Variants in ARMC3 observed in about 807,000 individuals in gnomAD.
The protein encoded by ARMC3 is armadillo repeat-containing protein 3.
Under a neutral mutation model 90.3 loss-of-function variants are expected in ARMC3, and 74 were observed. The ratio of observed to expected loss-of-function variants is 0.82; its 90% CI spans 0.68 to 0.99. The LOEUF (loss-of-function observed/expected upper bound fraction) is 0.99, where lower values mean the gene tolerates loss of function less well. ARMC3 is among the 50% of genes least tolerant of loss of function. ARMC3 has a pLI of 0.00. For synonymous variants in ARMC3, 334 were observed against 361.8 expected, an observed-to-expected ratio of 0.92 and a Z score of 0.87; for missense variants, 958 against 1,042.8, an observed-to-expected ratio of 0.92 and a Z score of 1.12.
At chr10:22,966,735 G>T (rs1278659464) in intron 7 of ARMC3, among the ~76,000 whole-genome samples, 1 of 152,124 alleles carries the variant, frequency 6.6e-6, no homozygotes, top group Non-Finnish European at 1.5e-5. Flanking sequence ...AGCAGAAGGG[G>T]AAACAGGTTC....
chr10:23,026,814 G>A (rs781614396), intron 16 of ARMC3, among the ~76,000 whole-genome samples: 2 of 152,134 alleles, frequency 1.3e-5, no homozygotes, highest in African/African-American at 4.8e-5. Context: ...ATAATGAATA[G>A]TTTCATCACC....
At position 23,037,529 on chromosome 10, in the gene ARMC3, ACTCT is replaced by A. The variant is rs752537516; in HGVS notation, c.*53_*56del. On this transcript the variant is annotated 3_prime_UTR_variant, in exon 19 of 19. Coordinates refer to ENST00000298032, the MANE Select transcript of ARMC3 (RefSeq NM_173081.5). ...CTCAAACAAGAAATTCACTGTGTAC[ACTCT>A]CTAAGACATTCTCCAAATTGATTTT... 251 of 1,354,758 alleles carry A rather than the reference ACTCT, an allele frequency of 1.9e-4. 1 individual carries two copies. The highest frequency in any genetic ancestry group is 2.3e-4 in the Non-Finnish European group (235 of 1,005,042). 83.9% of individuals were successfully genotyped at this position (1,354,758 alleles called of 1,614,324 possible). A position where few individuals can be genotyped will look rare whatever the true frequency, so the allele number is the denominator to read the frequency against.
intron 8 of ARMC3, among the ~76,000 whole-genome samples, chr10:22,975,339 G>A (rs1835873477): frequency 6.6e-6 from 1 of 152,168 alleles, no homozygotes; most frequent in African/African-American, 2.4e-5. Flanking sequence ...TGGATCACCT[G>A]AGGTCAGGAG....
intron 10 of ARMC3, among the ~76,000 whole-genome samples, chr10:22,993,325 T>G (rs1258580638): frequency 6.6e-6 from 1 of 152,184 alleles, no homozygotes; most frequent in Non-Finnish European, 1.5e-5. Context: ...AAGAATATAT[T>G]CCCAAGAAGT....
chr10:23,015,196 C>G (rs181064459), intron 16 of ARMC3, among the ~76,000 whole-genome samples: 26 of 152,198 alleles, frequency 1.7e-4, no homozygotes, highest in African/African-American at 6.3e-4. Flanking sequence ...AATCTCATTA[C>G]CATGCAGCAT....
rs567115894 is a variant in ARMC3, at chr10:23,002,602, T to C, written c.1562+547T>C. Reference sequence around the variant, plus strand: ...TCTTTCTTTTTCTTTCTTTTCTTTTTTTCTTTCTTTTTTTTTTTGGCAGAG... The same window carrying C: ...TCTTTCTTTTTCTTTCTTTTCTTTTCTTCTTTCTTTTTTTTTTTGGCAGAG... On this transcript the variant is annotated intron_variant, in intron 12 of 18. Transcript: ENST00000298032. Among the ~76,000 whole-genome samples the C allele has an allele frequency of 1.3e-5, 2 of 150,760 alleles. 1 individual carries two copies. The highest frequency in any genetic ancestry group is 4.2e-4 in the South Asian group (2 of 4,770).
intron 11 of ARMC3, 22 bp downstream of exon 11, chr10:22,998,419 G>A (rs780653503): frequency 6.2e-7 from 1 of 1,611,986 alleles, no homozygotes; most frequent in Non-Finnish European, 8.5e-7. Flanking sequence ...AATAACATGT[G>A]TTCTCTCATT....
At chr10:23,011,839 A>G (rs1838028732) in intron 16 of ARMC3, among the ~76,000 whole-genome samples, 1 of 152,276 alleles carries the variant, frequency 6.6e-6, no homozygotes, top group African/African-American at 2.4e-5. Flanking sequence ...AGGAGATGCA[A>G]TCTTATTTTC....
rs528861486 is a variant in ARMC3, at chr10:22,986,679, A to G, written c.1175+4979A>G. On this transcript the variant is annotated intron_variant, in intron 10 of 18. Coordinates refer to ENST00000298032, the MANE Select transcript of ARMC3 (RefSeq NM_173081.5). The stretch of plus-strand genomic sequence containing the variant: ...AAACAAAGTCTGTTGTCAAACAATC[A>G]ATAATGGCCATTACTTAAAACAGAA... Among the ~76,000 whole-genome samples, 210 of 152,312 alleles carry G rather than the reference A, an allele frequency of 1.4e-3. 2 individuals are homozygous for G. The highest frequency in any genetic ancestry group is 5.0e-3 in the African/African-American group (206 of 41,568).
intron 18 of ARMC3, among the ~76,000 whole-genome samples, chr10:23,035,138 C>G (rs1231157803): frequency 1.3e-5 from 2 of 152,186 alleles, no homozygotes; most frequent in African/African-American, 4.8e-5. Context: ...CAGACAGCCA[C>G]CTTCTTGCTG....
chr10:22,933,498 GC>G (rs1333144035), intron 2 of ARMC3, among the ~76,000 whole-genome samples: 1 of 152,120 alleles, frequency 6.6e-6, no homozygotes, highest in Non-Finnish European at 1.5e-5. Flanking sequence ...CACAGTCCTA[GC>G]ATTAACAAAA....
intron 4 of ARMC3, among the ~76,000 whole-genome samples, chr10:22,958,691 T>C (rs1486961243): frequency 2.0e-5 from 3 of 152,132 alleles, no homozygotes; most frequent in Non-Finnish European, 4.4e-5. Flanking sequence ...ATTACCTGTC[T>C]CATAAGGGAC....
At chr10:22,977,734 G>A (rs1588872151) in intron 8 of ARMC3, among the ~76,000 whole-genome samples, 1 of 152,278 alleles carries the variant, frequency 6.6e-6, no homozygotes. Context: ...TTTTCTTATA[G>A]CCTAGGAGAT....
At chr10:22,992,319 G>A (rs1314641487) in intron 10 of ARMC3, among the ~76,000 whole-genome samples, 1 of 152,116 alleles carries the variant, frequency 6.6e-6, no homozygotes, top group Non-Finnish European at 1.5e-5. Flanking sequence ...TAATGTCACC[G>A]CGGCTGCAAC....
At position 22,989,000 on chromosome 10, in the gene ARMC3, T is replaced by G. The variant is rs1469580155; in HGVS notation, c.1175+7300T>G. ...CAGCTATTGTCTTTGTTGCATAGGG[T>G]TTTTCATTTTCGGAGAGTTCCATTT... is the stretch of plus-strand genomic sequence containing the variant. On this transcript the variant is annotated intron_variant, in intron 10 of 18. Coordinates refer to ENST00000298032, the MANE Select transcript of ARMC3 (RefSeq NM_173081.5). Among the ~76,000 whole-genome samples the G allele has an allele frequency of 2.0e-5, 3 of 152,050 alleles. No individual in the cohort carries two copies. In the East Asian group the frequency reaches 5.8e-4, roughly 29 times the overall value.
Position 23,032,860 on chromosome 10 carries a change from G to A in ARMC3, c.2247-1G>A, listed in dbSNP as rs1257666758. ...ATTTGATCTCAATGTAATTGACACAGGTATGTAGCAGAAAAAATGGGTGGT... is the reference window on the plus strand; with the variant it reads ...ATTTGATCTCAATGTAATTGACACAAGTATGTAGCAGAAAAAATGGGTGGT... On this transcript the variant is annotated splice_acceptor_variant, in intron 17 of 18. Transcript: ENST00000298032. LOFTEE classifies it high-confidence loss of function. 3.1e-6 allele frequency: 5 copies of A among 1,610,932 alleles called. No homozygotes were observed.
intron 6 of ARMC3, chr10:22,959,869 A>G (rs1290637500): frequency 2.0e-6 from 1 of 490,632 alleles, no homozygotes; most frequent in East Asian, 5.8e-5. Context: ...AGGAAATCTA[A>G]TATGTGGAAA....
rs145173429 is a variant in ARMC3 at position 22,959,080 on chromosome 10, A to C, written c.303A>C (p.Lys101Asn). 2 of 1,610,254 alleles carry C rather than the reference A, an allele frequency of 1.2e-6. No homozygotes were observed. The highest frequency in any genetic ancestry group is 1.7e-6 in the Non-Finnish European group (2 of 1,176,626). ...TTTCTTCCTTTGTAGATGATGTTAA[A>C]AAATTGTTAAGGGAGTTAGATGTCA... ...FGILASNNDV[K>N]KLLRELDVMN... Residue 101 changes from lysine to asparagine, a missense_variant, in exon 5 of 19, where the codon AAA becomes AAC. Lys to Asn is a moderately conservative substitution (Grantham distance 94, BLOSUM62 0). Coordinates refer to ENST00000298032, the MANE Select transcript of ARMC3 (RefSeq NM_173081.5).
At chr10:22,994,313 C>T (rs902565793) in intron 10 of ARMC3, among the ~76,000 whole-genome samples, 1 of 152,042 alleles carries the variant, frequency 6.6e-6, no homozygotes, top group African/African-American at 2.4e-5. Flanking sequence ...GAGCACGGAG[C>T]AACAGGAAGA....
Sources: allele counts gnomAD v4.1 joint callset (sites outside exome capture counted in the v4.1 genomes callset), GRCh38; gene constraint gnomAD v4.1.1; transcripts MANE v1.5; gene names NCBI Gene and HGNC (gene_info 2026-07-23, HGNC 2026-07-21).